Variants in DNM3 observed in about 807,000 individuals in gnomAD.
DNM3 encodes dynamin 3.
DNM3 carries 47 observed loss-of-function variants against 101.6 expected under a neutral mutation model. The observed-to-expected ratio is 0.46, with a 90% confidence interval of 0.37 to 0.59. The LOEUF is 0.59. Among genes scored for constraint, DNM3 ranks in the 20% least tolerant of loss-of-function variants. DNM3 has a pLI of 0.00. For synonymous variants in DNM3, 385 were observed against 387.9 expected, an observed-to-expected ratio of 0.99 and a Z score of 0.09; for missense variants, 849 against 1,085.7, an observed-to-expected ratio of 0.78 and a Z score of 3.06.
chr1:172,217,951 C>A (rs1474351566), intron 14 of DNM3, among the ~76,000 whole-genome samples: 2 of 152,048 alleles, frequency 1.3e-5, no homozygotes, highest in African/African-American at 4.8e-5. Context: ...GAATAACATT[C>A]TATATTTGTT....
intron 16 of DNM3, among the ~76,000 whole-genome samples, chr1:172,314,836 G>C (rs901438998): frequency 6.6e-5 from 10 of 152,192 alleles, no homozygotes; most frequent in African/African-American, 2.2e-4. Flanking sequence ...AAAGACAGCA[G>C]TAACCTCTGC....
chr1:172,334,369 A>C (rs10911603), intron 17 of DNM3, among the ~76,000 whole-genome samples: 21,842 of 152,088 alleles, frequency 0.14, 2,022 homozygotes, highest in African/African-American at 0.26. Flanking sequence ...TGATTGTCAG[A>C]ATGGGAAGTT....
At chr1:171,943,063 G>A (rs2041924016) in intron 2 of DNM3, among the ~76,000 whole-genome samples, 2 of 151,854 alleles carry the variant, frequency 1.3e-5, no homozygotes, top group South Asian at 4.2e-4. Flanking sequence ...AGTGAGCTGT[G>A]ATCCTGCCAC....
chr1:172,403,139 A>AAAGT (rs1167232728), intron 20 of DNM3, among the ~76,000 whole-genome samples: 1 of 152,200 alleles, frequency 6.6e-6, no homozygotes, highest in Non-Finnish European at 1.5e-5. Context: ...TTCTGCACTG[A>AAAGT]AAGTCATGAG....
chr1:171,929,889 C>G (rs1186881545), intron 2 of DNM3, among the ~76,000 whole-genome samples: 2 of 152,176 alleles, frequency 1.3e-5, no homozygotes, highest in Non-Finnish European at 2.9e-5. Context: ...CTTTTCCCCC[C>G]AGTTGGCTTG....
At chr1:171,985,963 A>G (rs1486737211) in intron 2 of DNM3, among the ~76,000 whole-genome samples, 1 of 152,204 alleles carries the variant, frequency 6.6e-6, no homozygotes, top group East Asian at 1.9e-4. Flanking sequence ...CCAGAGGACA[A>G]AAGTTGGACT....
At chr1:172,129,526 A>AGTT (rs1318533137) in intron 13 of DNM3, among the ~76,000 whole-genome samples, 1 of 152,188 alleles carries the variant, frequency 6.6e-6, no homozygotes. Context: ...ATGGACTTAC[A>AGTT]GTTCCACATG....
chr1:172,038,292 C>T, intron 6 of DNM3, 27 bp from the exon 7 acceptor site: 1 of 1,612,174 alleles, frequency 6.2e-7, no homozygotes, highest in Non-Finnish European at 8.5e-7. Context: ...AATCTTCAAT[C>T]TGTGTGTATC....
chr1:172,093,069 A>G (rs1427733192), intron 13 of DNM3, among the ~76,000 whole-genome samples, 194 bp downstream of exon 13: 4 of 152,178 alleles, frequency 2.6e-5, no homozygotes, highest in African/African-American at 9.7e-5. Flanking sequence ...TGTGCAGTTA[A>G]CCATATTGAT....
intron 20 of DNM3, among the ~76,000 whole-genome samples, chr1:172,398,880 C>G (rs2070237284): frequency 1.3e-5 from 2 of 152,112 alleles, no homozygotes; most frequent in Non-Finnish European, 1.5e-5. Context: ...GTGGGTGTAC[C>G]ATTAAGGTGT....
intron 11 of DNM3, among the ~76,000 whole-genome samples, chr1:172,078,250 A>G (rs528002533): frequency 6.6e-6 from 1 of 151,704 alleles, no homozygotes. Flanking sequence ...CTGCCACCAC[A>G]CCCAGCTAAT....
intron 14 of DNM3, among the ~76,000 whole-genome samples, chr1:172,241,550 T>G (rs1192494437): frequency 6.6e-6 from 1 of 152,074 alleles, no homozygotes; most frequent in Non-Finnish European, 1.5e-5. Context: ...AGAAAATAAT[T>G]TATTAAGAGG....
intron 14 of DNM3, among the ~76,000 whole-genome samples, chr1:172,228,694 A>C (rs2061226609): frequency 6.6e-6 from 1 of 152,120 alleles, no homozygotes; most frequent in Non-Finnish European, 1.5e-5. Flanking sequence ...TTAGAACTTT[A>C]AATATTGAGA....
chr1:172,074,397 T>C (rs2125960416), intron 11 of DNM3, among the ~76,000 whole-genome samples: 1 of 152,258 alleles, frequency 6.6e-6, no homozygotes, highest in South Asian at 2.1e-4. Context: ...GCACGCGCCA[T>C]GGTGGTTTGC....
At chr1:172,053,939 C>T (rs2050387450) in intron 10 of DNM3, among the ~76,000 whole-genome samples, 1 of 152,028 alleles carries the variant, frequency 6.6e-6, no homozygotes, top group South Asian at 2.1e-4. Flanking sequence ...GATAAGGTGA[C>T]TATATAATTT....
At chr1:171,968,975 TA>T (rs1209694798) in intron 2 of DNM3, among the ~76,000 whole-genome samples, 4 of 152,184 alleles carry the variant, frequency 2.6e-5, no homozygotes, top group African/African-American at 9.7e-5. Flanking sequence ...TCAATTGGCT[TA>T]TTTAGCTTTG....
rs1198220503 is a variant in DNM3 at position 171,883,374 on chromosome 1, C to G, written c.162-38374C>G. Among the ~76,000 whole-genome samples, 4 of 66,246 alleles carry G rather than the reference C, an allele frequency of 6.0e-5. No individual in the cohort carries two copies. In the East Asian group the frequency reaches 1.1e-3, roughly 18 times the overall value. The allele number at this position is 66,246 out of a possible 152,430, so 43.5% of individuals were successfully genotyped here. A position where few individuals can be genotyped will look rare whatever the true frequency, so the allele number is the denominator to read the frequency against. On this transcript the variant is annotated intron_variant, in intron 1 of 20. Transcript: ENST00000627582. The stretch of plus-strand genomic sequence containing the variant: ...AAAACAAAAAAGGACCACACACACA[C>G]ACACACACACACACACACACACACA...
chr1:172,119,577 C>T (rs1033885750), intron 13 of DNM3, among the ~76,000 whole-genome samples: 1 of 152,136 alleles, frequency 6.6e-6, no homozygotes, highest in South Asian at 2.1e-4. Flanking sequence ...CCTGGGCCCT[C>T]TTCTCTTCTC....
intron 13 of DNM3, among the ~76,000 whole-genome samples, chr1:172,102,473 T>C (rs1017600774): frequency 2.0e-5 from 3 of 152,222 alleles, no homozygotes; most frequent in South Asian, 2.1e-4. Context: ...ATGCCACTTA[T>C]GTTTTTTCCC....
Sources: gnomAD v4.1 joint callset for allele counts (sites outside exome capture counted in the v4.1 genomes callset) on GRCh38, gnomAD v4.1.1 for gene constraint, MANE v1.5 for transcripts, NCBI Gene and HGNC (gene_info 2026-07-23, HGNC 2026-07-21) for gene names.